The following XPR1 variants were observed in gnomAD, a reference collection of about 807,000 sequenced individuals.
The protein encoded by XPR1 is solute carrier family 53 member 1.
XPR1 carries 28 observed loss-of-function variants against 87.5 expected under a neutral mutation model. That is an observed-to-expected ratio of 0.32 (90% CI 0.24 to 0.44). The LOEUF (loss-of-function observed/expected upper bound fraction) is 0.44. Among genes scored for constraint, XPR1 ranks in the 20% least tolerant of loss-of-function variants. The pLI is 1.00. For missense variants in XPR1, 559 were observed against 862.3 expected, an observed-to-expected ratio of 0.65 and a Z score of 4.41; for synonymous variants, 300 against 306.1, an observed-to-expected ratio of 0.98 and a Z score of 0.21.
intron 6 of XPR1, among the ~76,000 whole-genome samples, chr1:180,807,836 C>T (rs2102125288): frequency 6.6e-6 from 1 of 152,218 alleles, no homozygotes; most frequent in Admixed American, 6.5e-5. Context: ...GAAACCCCAT[C>T]TCGACTAAAA....
intron 2 of XPR1, among the ~76,000 whole-genome samples, chr1:180,694,788 C>G (rs1657108078): frequency 6.6e-6 from 1 of 152,056 alleles, no homozygotes; most frequent in South Asian, 2.1e-4. Context: ...CACACACACA[C>G]ACACACACAC....
intron 3 of XPR1, among the ~76,000 whole-genome samples, chr1:180,801,489 G>C (rs1165894771): frequency 6.6e-6 from 1 of 152,060 alleles, no homozygotes; most frequent in Admixed American, 6.6e-5. Flanking sequence ...AATACAAGAA[G>C]ATATAAATAG....
chr1:180,639,266 T>A (rs989630292), intron 1 of XPR1, among the ~76,000 whole-genome samples: 1 of 151,758 alleles, frequency 6.6e-6, no homozygotes, highest in South Asian at 2.1e-4. Flanking sequence ...CCAGCCTGGG[T>A]GACAGAGTGA....
chr1:180,670,934 A>G (rs571174137), intron 1 of XPR1, among the ~76,000 whole-genome samples: 2 of 152,278 alleles, frequency 1.3e-5, no homozygotes, highest in South Asian at 4.1e-4. Flanking sequence ...TTTGACCTGG[A>G]TCTTGAAGGA....
chr1:180,740,264 C>G (rs1242057404), intron 2 of XPR1, among the ~76,000 whole-genome samples: 1 of 152,048 alleles, frequency 6.6e-6, no homozygotes, highest in Non-Finnish European at 1.5e-5. Flanking sequence ...TAGCCTTTAC[C>G]ATTAGTTATA....
At chr1:180,737,633 G>A (rs565281984) in intron 2 of XPR1, among the ~76,000 whole-genome samples, 6 of 152,208 alleles carry the variant, frequency 3.9e-5, no homozygotes, top group South Asian at 2.1e-4. Flanking sequence ...TGCATAACCC[G>A]CGCCAGCTGC....
At chr1:180,656,925 A>G (rs1301575020) in intron 1 of XPR1, among the ~76,000 whole-genome samples, 1 of 151,800 alleles carries the variant, frequency 6.6e-6, no homozygotes, top group Non-Finnish European at 1.5e-5. Context: ...ACTGTTCTCC[A>G]TAGTGGATGT....
At chr1:180,664,536 C>G (rs1487965572) in intron 1 of XPR1, among the ~76,000 whole-genome samples, 19 of 152,154 alleles carry the variant, frequency 1.2e-4, no homozygotes, top group Admixed American at 1.2e-3. Context: ...GTCCTCTTTA[C>G]TCTTCCCTAC....
Position 180,806,224 on chromosome 1 carries a change from C to T in XPR1, c.597+13C>T, listed in dbSNP as rs369856424. On this transcript the variant is annotated intron_variant, in intron 5 of 14. Coordinates refer to ENST00000367590, the MANE Select transcript of XPR1 (RefSeq NM_004736.4). ...CTCTGAAACTGAGGTACAATAATCT[C>T]GTTTATTTACAACGTATTTTCAGTT... The T allele has an allele frequency of 4.7e-5, 76 of 1,606,598 alleles. No individual in the cohort carries two copies. The highest frequency in any genetic ancestry group is 3.6e-4 in the African/African-American group (27 of 74,822).
At chr1:180,678,533 G>A (rs1035151776) in intron 1 of XPR1, among the ~76,000 whole-genome samples, 2 of 152,110 alleles carry the variant, frequency 1.3e-5, no homozygotes, top group Non-Finnish European at 2.9e-5. Context: ...TTCAAATTCT[G>A]TATAAGTAGT....
intron 3 of XPR1, among the ~76,000 whole-genome samples, chr1:180,793,109 AAGG>A (rs1649446025): frequency 6.6e-6 from 1 of 152,080 alleles, no homozygotes; most frequent in Non-Finnish European, 1.5e-5. Context: ...AAAGGAAGGA[AAGG>A]AGGGAGAGAG....
Position 180,873,955 on chromosome 1 carries a change from C to T in XPR1, c.1808+13C>T, listed in dbSNP as rs762792368. 1 of 1,607,366 alleles carries T rather than the reference C, an allele frequency of 6.2e-7. No individual in the cohort carries two copies. The highest frequency in any genetic ancestry group is 8.5e-7 in the Non-Finnish European group (1 of 1,177,352). On this transcript the variant is annotated intron_variant, in intron 13 of 14. Coordinates refer to ENST00000367590, the MANE Select transcript of XPR1 (RefSeq NM_004736.4). ...TTGAGGTTTTCCGGTAAGCAAACTA[C>T]TGAAAAGTTTATTAAAGATTCTTTT...
intron 12 of XPR1, among the ~76,000 whole-genome samples, chr1:180,866,793 G>C (rs1378860844): frequency 1.5e-5 from 2 of 137,394 alleles, no homozygotes; most frequent in African/African-American, 2.8e-5. Flanking sequence ...ACACATATTA[G>C]TTTATTTTTT....
intron 1 of XPR1, among the ~76,000 whole-genome samples, chr1:180,655,719 T>A (rs1655435520): frequency 6.6e-6 from 1 of 152,162 alleles, no homozygotes; most frequent in Non-Finnish European, 1.5e-5. Flanking sequence ...TTTATAGCTT[T>A]AAGTCTTACA....
intron 7 of XPR1, among the ~76,000 whole-genome samples, chr1:180,815,704 A>G (rs1292331628): frequency 6.6e-6 from 1 of 152,096 alleles, no homozygotes; most frequent in South Asian, 2.1e-4. Flanking sequence ...CTACTAACAT[A>G]TATAACTTAA....
Position 180,791,170 on chromosome 1 carries a change from C to G in XPR1, c.223+3316C>G, listed in dbSNP as rs896513250. Among the ~76,000 whole-genome samples, 12 of 152,134 alleles carry G rather than the reference C, an allele frequency of 7.9e-5. No homozygotes were observed. The East Asian group carries it at 2.3e-3, about 29-fold the overall frequency. On this transcript the variant is annotated intron_variant, in intron 3 of 14. Transcript: ENST00000367590. The stretch of plus-strand genomic sequence containing the variant: ...GACATTTTTTGAAAAAGAAGGATCT[C>G]TAAGCTCAATTCTAAATGGATGATT...
chr1:180,673,290 A>G (rs1215730459), intron 1 of XPR1, among the ~76,000 whole-genome samples: 8 of 152,206 alleles, frequency 5.3e-5, no homozygotes, highest in African/African-American at 1.9e-4. Flanking sequence ...TTACAAAAAA[A>G]GGTATATTGT....
chr1:180,659,909 C>T (rs1469849485), intron 1 of XPR1, among the ~76,000 whole-genome samples: 3 of 152,040 alleles, frequency 2.0e-5, no homozygotes, highest in Non-Finnish European at 4.4e-5. Context: ...TTCCCTCTTC[C>T]TCTATTTTTT....
intron 11 of XPR1, among the ~76,000 whole-genome samples, chr1:180,841,045 A>G (rs561423629): frequency 6.6e-6 from 1 of 152,308 alleles, no homozygotes; most frequent in Non-Finnish European, 1.5e-5. Flanking sequence ...ATTGGTTCTT[A>G]ATAGTATTGT....
Sources: allele counts gnomAD v4.1 joint callset (sites outside exome capture counted in the v4.1 genomes callset), GRCh38; gene constraint gnomAD v4.1.1; transcripts MANE v1.5; gene names NCBI Gene and HGNC (gene_info 2026-07-23, HGNC 2026-07-21).